Variants in CATSPERG observed in about 807,000 individuals in gnomAD.
CATSPERG encodes the protein cation channel sperm-associated auxiliary subunit gamma.
A neutral mutation model predicts 145.0 loss-of-function variants in CATSPERG; 115 were observed. That is an observed-to-expected ratio of 0.79 (90% CI 0.68 to 0.93). CATSPERG has a LOEUF of 0.93. CATSPERG is among the 40% of genes least tolerant of loss of function. The pLI is 0.00. For synonymous variants in CATSPERG, 588 were observed against 589.0 expected, an observed-to-expected ratio of 1.00 and a Z score of 0.02; for missense variants, 1,296 against 1,490.1, an observed-to-expected ratio of 0.87 and a Z score of 2.14.
intron 3 of CATSPERG, among the ~76,000 whole-genome samples, chr19:38,339,967 G>T (rs1275642080): frequency 6.6e-6 from 1 of 151,898 alleles, no homozygotes; most frequent in Non-Finnish European, 1.5e-5. Flanking sequence ...CGATTCTCCT[G>T]CCTCAGCCTA....
At chr19:38,351,727 C>G (rs1970144918) in intron 7 of CATSPERG, among the ~76,000 whole-genome samples, 1 of 151,530 alleles carries the variant, frequency 6.6e-6, no homozygotes, top group South Asian at 2.1e-4. Context: ...GGTAACATAG[C>G]GAGACCTCAC....
intron 4 of CATSPERG, 79 bp from the exon 5 acceptor site, chr19:38,343,914 G>A: frequency 1.3e-6 from 2 of 1,512,572 alleles, no homozygotes; most frequent in East Asian, 2.5e-5. Flanking sequence ...GAGTTGTGGG[G>A]AGATCCCAGG....
At chr19:38,354,352 C>G (rs1032405490) in intron 8 of CATSPERG, among the ~76,000 whole-genome samples, 1 of 152,224 alleles carries the variant, frequency 6.6e-6, no homozygotes, top group Non-Finnish European at 1.5e-5. Flanking sequence ...CAGGCCTCTA[C>G]GCAGCAACTG....
chr19:38,364,598 C>G (rs922638433), intron 20 of CATSPERG, among the ~76,000 whole-genome samples: 1 of 152,240 alleles, frequency 6.6e-6, no homozygotes, highest in Non-Finnish European at 1.5e-5. Context: ...TGTAGCAAGC[C>G]GAGATCACGC....
chr19:38,345,156 C>A (rs1401472939), intron 6 of CATSPERG, among the ~76,000 whole-genome samples: 1 of 151,630 alleles, frequency 6.6e-6, no homozygotes, highest in Non-Finnish European at 1.5e-5. Flanking sequence ...TGCAGTGGTA[C>A]GATCTTGCCT....
chr19:38,364,097 A>AC (rs953058066), intron 20 of CATSPERG, among the ~76,000 whole-genome samples: 11 of 145,644 alleles, frequency 7.6e-5, no homozygotes, highest in South Asian at 2.2e-4. Context: ...CGGGGGGCTG[A>AC]CCCCCCCACC....
intron 7 of CATSPERG, among the ~76,000 whole-genome samples, chr19:38,350,308 G>A (rs1181097823): frequency 6.6e-6 from 1 of 152,196 alleles, no homozygotes; most frequent in Non-Finnish European, 1.5e-5. Flanking sequence ...CACGAGACCA[G>A]ATTTCAAACA....
intron 26 of CATSPERG, among the ~76,000 whole-genome samples, chr19:38,368,803 C>G (rs1249436212): frequency 6.6e-6 from 1 of 152,160 alleles, no homozygotes; most frequent in South Asian, 2.1e-4. Context: ...GCTGGGATTA[C>G]AGGCACCCGC....
At position 38,367,793 on chromosome 19, in the gene CATSPERG, C is replaced by T. The variant is rs2302186; in HGVS notation, c.2930+17C>T. 0.058 allele frequency: 93,426 copies of T among 1,607,522 alleles called. 4,417 individuals carry two copies. Among genetic ancestry groups the T allele is most frequent in the East Asian group, 0.25 (11,337 of 44,820 alleles). ...CCTGGACAAGTAATCCCCGTGGGGT[C>T]CCACGTGTAATCCACCTTGCTTCCC... On this transcript the variant is annotated intron_variant, in intron 25 of 28. Coordinates refer to ENST00000409235, the MANE Select transcript of CATSPERG (RefSeq NM_021185.5).
chr19:38,338,218 G>A (rs1045496031), intron 3 of CATSPERG, among the ~76,000 whole-genome samples: 2 of 151,704 alleles, frequency 1.3e-5, no homozygotes, highest in Admixed American at 6.6e-5. Context: ...GCGCGATCTC[G>A]GCTCACTGCA....
chr19:38,346,490 C>T lies in CATSPERG; in HGVS notation c.710C>T (p.Ser237Leu), dbSNP rs1225013861. The change falls in exon 7 of 29, where the codon TCG becomes TTG. Residue 237 changes from serine (S) to leucine (L), a missense_variant. Physicochemically the swap from Ser to Leu is moderately radical, Grantham distance 145 (BLOSUM62 -2). Transcript: ENST00000409235. ...LMPQYFVGVS[S>L]RPLWHTVDQS... ...CCCCAGTACTTTGTGGGTGTCTCAT[C>T]GAGGCCCTTGTGGCACACTGTGGAC... The T allele has an allele frequency of 2.6e-5, 40 of 1,550,538 alleles. No homozygotes were observed. The highest frequency in any genetic ancestry group is 3.9e-5 in the Admixed American group (2 of 50,942).
Position 38,370,932 on chromosome 19 carries a change from C to A in CATSPERG, c.*140C>A. The A allele has an allele frequency of 1.1e-6, 1 of 907,840 alleles. No homozygotes were observed. Among genetic ancestry groups the A allele is most frequent in the Non-Finnish European group, 1.7e-6 (1 of 603,582 alleles). The allele number at this position is 907,840 out of a possible 1,614,324, so 56.2% of individuals were successfully genotyped here. A position where few individuals can be genotyped will look rare whatever the true frequency, so the allele number is the denominator to read the frequency against. On this transcript the variant is annotated 3_prime_UTR_variant, in exon 29 of 29. Transcript: ENST00000409235. ...CTTCTCGTTCAGACTCAAATAAAGCCTTTTTTCAGGACCAGCAGTGGGCTC... is the reference window on the plus strand; with the variant it reads ...CTTCTCGTTCAGACTCAAATAAAGCATTTTTTCAGGACCAGCAGTGGGCTC...
At chr19:38,347,780 G>C (rs1970065175) in intron 7 of CATSPERG, among the ~76,000 whole-genome samples, 1 of 151,776 alleles carries the variant, frequency 6.6e-6, no homozygotes, top group Non-Finnish European at 1.5e-5. Flanking sequence ...GTCTCTACTA[G>C]AAGTACAAAA....
At chr19:38,341,610 C>A (rs948982088) in intron 3 of CATSPERG, among the ~76,000 whole-genome samples, 7 of 151,990 alleles carry the variant, frequency 4.6e-5, no homozygotes, top group East Asian at 1.9e-4. Context: ...CAAAAAAAAT[C>A]AAAAAATTGG....
At chr19:38,346,108 A>G (rs1297894053) in intron 6 of CATSPERG, among the ~76,000 whole-genome samples, 1 of 152,178 alleles carries the variant, frequency 6.6e-6, no homozygotes, top group East Asian at 1.9e-4. Flanking sequence ...GCAATATTTA[A>G]TGGGATGGTC....
chr19:38,357,502 C>G (rs893761296), intron 11 of CATSPERG, among the ~76,000 whole-genome samples: 4 of 134,220 alleles, frequency 3.0e-5, no homozygotes, highest in African/African-American at 1.1e-4. Context: ...GGTGACAGAG[C>G]AAGACCCGGT....
At position 38,336,015 on chromosome 19, in the gene CATSPERG, G is replaced by GCA. The variant is rs1969827508; in HGVS notation, c.-15+140_-15+141insCA. The stretch of plus-strand genomic sequence containing the variant: ...AAGAGGGGAAGAGTCGTGGGAGCTG[G>GCA]GAGAGGAGGGAAAGAGGGGAAGAGT... On this transcript the variant is annotated intron_variant, in intron 1 of 28. Transcript: ENST00000409235. 8 of 308,168 alleles carry GCA rather than the reference G, an allele frequency of 2.6e-5. 1 individual carries two copies. Among genetic ancestry groups the GCA allele is most frequent in the Admixed American group, 2.1e-4 (6 of 27,968 alleles). 19.1% of individuals were successfully genotyped at this position (308,168 alleles called of 1,614,324 possible).
chr19:38,343,677 T>C lies in CATSPERG; in HGVS notation c.422T>C (p.Ile141Thr), dbSNP rs1464630820. The part of the protein sequence containing the change: ...QSPVNFYRWK[I>T]EQLQIQMEAA... ...CCAGTCAACTTCTACCGCTGGAAGA[T>C]AGAGCAGCTGCAGATCCAGATGGAG... is the stretch of plus-strand genomic sequence containing the variant. Residue 141 changes from isoleucine to threonine, a missense_variant, in exon 4 of 29, where the codon ATA becomes ACA. Coordinates refer to ENST00000409235, the MANE Select transcript of CATSPERG (RefSeq NM_021185.5). 3 of 1,550,822 alleles carry C rather than the reference T, an allele frequency of 1.9e-6. No homozygotes were observed. In the African/African-American group the frequency reaches 4.1e-5, roughly 21 times the overall value.
In CATSPERG at chr19:38,356,530, C is replaced by T. The variant is rs373128819; in HGVS notation, c.1182C>T (p.Cys394=). The part of the protein sequence containing the change: ...FEMLPRQWSV[C]EQIGVTTCSI... ...TGCTGCCCAGGCAGTGGTCTGTGTG[C>T]GAGCAGATAGGAGGTACTCATTACC... Residue 394 remains cysteine (C), a synonymous_variant, in exon 10 of 29, where the codon TGC becomes TGT. Coordinates refer to ENST00000409235, the MANE Select transcript of CATSPERG (RefSeq NM_021185.5). 26 of 1,613,644 alleles carry T rather than the reference C, an allele frequency of 1.6e-5. No individual in the cohort carries two copies. Among genetic ancestry groups the T allele is most frequent in the East Asian group, 2.2e-5 (1 of 44,868 alleles).
Sources: allele counts gnomAD v4.1 joint callset (sites outside exome capture counted in the v4.1 genomes callset), GRCh38; gene constraint gnomAD v4.1.1; transcripts MANE v1.5; gene names NCBI Gene and HGNC (gene_info 2026-07-23, HGNC 2026-07-21).